GPR39: variants seen among roughly 807,000 people sequenced by gnomAD.
The protein encoded by GPR39 is zinc sensing receptor.
GPR39 carries 23 observed loss-of-function variants against 18.4 expected under a neutral mutation model. The observed-to-expected ratio is 1.25, with a 90% CI of 0.90 to 1.77. The LOEUF (loss-of-function observed/expected upper bound fraction) is 1.77. Among genes scored for constraint, GPR39 ranks in the 40% most tolerant of loss-of-function variants. The pLI, the probability that GPR39 is intolerant of heterozygous loss-of-function variation, is 0.00. For missense variants in GPR39, 647 were observed against 602.4 expected (o/e 1.07, Z -0.78); for synonymous variants, 280 against 257.9 (o/e 1.09, Z -0.82).
intron 1 of GPR39, among the ~76,000 whole-genome samples, chr2:132,424,241 A>T (rs1244773536): frequency 1.3e-5 from 2 of 152,144 alleles, no homozygotes; most frequent in Non-Finnish European, 2.9e-5. Flanking sequence ...CAATGATACA[A>T]CTCTACACAT....
At chr2:132,551,142 G>A (rs1193548027) in intron 1 of GPR39, among the ~76,000 whole-genome samples, 1 of 152,148 alleles carries the variant, frequency 6.6e-6, no homozygotes, top group Non-Finnish European at 1.5e-5. Flanking sequence ...GCAGCTCAAC[G>A]ATGTTAGAGT....
intron 1 of GPR39, among the ~76,000 whole-genome samples, chr2:132,490,551 G>A (rs1201547870): frequency 1.3e-5 from 2 of 151,902 alleles, no homozygotes; most frequent in African/African-American, 4.9e-5. Context: ...ACATCTAGTC[G>A]GAGAGACAGG....
chr2:132,536,140 G>A (rs1045883733), intron 1 of GPR39, among the ~76,000 whole-genome samples: 1 of 151,738 alleles, frequency 6.6e-6, no homozygotes, highest in Non-Finnish European at 1.5e-5. Flanking sequence ...CTCTGCTTCT[G>A]TAGTTCTTTT....
At chr2:132,459,491 CCACACTGGG>C in intron 1 of GPR39, among the ~76,000 whole-genome samples, 1 of 152,294 alleles carries the variant, frequency 6.6e-6, no homozygotes, top group Middle Eastern at 3.4e-3. Context: ...TGCTCAGATT[CCACACTGGG>C]TGTAGCTTCT....
intron 1 of GPR39, among the ~76,000 whole-genome samples, chr2:132,503,069 C>T (rs1679075435): frequency 6.6e-6 from 1 of 152,138 alleles, no homozygotes; most frequent in African/African-American, 2.4e-5. Context: ...ATTCTTCTGG[C>T]AAATCAGAGA....
intron 1 of GPR39, among the ~76,000 whole-genome samples, chr2:132,596,867 C>T (rs1178923389): frequency 6.6e-6 from 1 of 152,182 alleles, no homozygotes; most frequent in Non-Finnish European, 1.5e-5. Flanking sequence ...CCATGTATAT[C>T]CCAGGTTGAG....
At chr2:132,501,362 TA>T (rs1367393037) in intron 1 of GPR39, among the ~76,000 whole-genome samples, 18 of 152,160 alleles carry the variant, frequency 1.2e-4, no homozygotes, top group Admixed American at 1.1e-3. Context: ...GCAGGTTATT[TA>T]ATTTCCATGT....
chr2:132,506,580 C>T (rs1439722933), intron 1 of GPR39, among the ~76,000 whole-genome samples: 4 of 152,110 alleles, frequency 2.6e-5, no homozygotes, highest in African/African-American at 9.7e-5. Flanking sequence ...AGGAAATGTA[C>T]AATCATGGCA....
At chr2:132,644,421 T>TC (rs927158019) in intron 1 of GPR39, among the ~76,000 whole-genome samples, 4 of 152,192 alleles carry the variant, frequency 2.6e-5, no homozygotes, top group African/African-American at 7.2e-5. Flanking sequence ...TAATTCTTTT[T>TC]CCCCACATGA....
chr2:132,624,972 C>T (rs1048256902), intron 1 of GPR39, among the ~76,000 whole-genome samples: 2 of 152,084 alleles, frequency 1.3e-5, no homozygotes, highest in African/African-American at 2.4e-5. Flanking sequence ...ATAGGTTCTG[C>T]ACATGAACAG....
intron 1 of GPR39, among the ~76,000 whole-genome samples, chr2:132,519,702 A>G (rs1442829030): frequency 2.0e-5 from 3 of 152,152 alleles, no homozygotes; most frequent in Non-Finnish European, 4.4e-5. Flanking sequence ...TACCACTCCA[A>G]TGGATGCAGC....
chr2:132,629,108 T>A (rs958969317), intron 1 of GPR39, among the ~76,000 whole-genome samples: 5 of 152,152 alleles, frequency 3.3e-5, no homozygotes, highest in Non-Finnish European at 5.9e-5. Flanking sequence ...ACATGGAGCG[T>A]CCTGGAATTA....
intron 1 of GPR39, among the ~76,000 whole-genome samples, chr2:132,535,833 A>G (rs1573653195): frequency 6.7e-6 from 1 of 149,852 alleles, no homozygotes; most frequent in East Asian, 2.0e-4. Flanking sequence ...TTTCTTCTAG[A>G]TTTTCTAGTT....
At position 132,490,922 on chromosome 2, in the gene GPR39, G is replaced by T. The variant is rs139818129; in HGVS notation, c.856+73024G>T. ...TAAACGTGTGAGGGCTAAAGGGGCT[G>T]CGAAGGCTCTGTGGAGGGCAAAGGC... On this transcript the variant is annotated intron_variant, in intron 1 of 1. Coordinates refer to ENST00000329321, the MANE Select transcript of GPR39 (RefSeq NM_001508.3). 1.8e-3 allele frequency among the ~76,000 whole-genome samples: 273 copies of T among 152,318 alleles called. 1 individual carries two copies. Among genetic ancestry groups the T allele is most frequent in the African/African-American group, 6.2e-3 (256 of 41,574 alleles).
At chr2:132,456,819 T>C (rs1459836306) in intron 1 of GPR39, among the ~76,000 whole-genome samples, 2 of 152,244 alleles carry the variant, frequency 1.3e-5, no homozygotes, top group Admixed American at 6.5e-5. Flanking sequence ...TACTCTCTTC[T>C]GGCTTGTAGG....
chr2:132,524,185 T>A (rs1403487331), intron 1 of GPR39, among the ~76,000 whole-genome samples: 2 of 152,226 alleles, frequency 1.3e-5, no homozygotes, highest in Non-Finnish European at 2.9e-5. Flanking sequence ...TGAGATCTGA[T>A]AGAGCAGCCA....
At chr2:132,453,839 T>G (rs957520370) in intron 1 of GPR39, among the ~76,000 whole-genome samples, 1 of 152,216 alleles carries the variant, frequency 6.6e-6, no homozygotes, top group Non-Finnish European at 1.5e-5. Context: ...CATTGGTCTA[T>G]ATGTCTGTTT....
chr2:132,556,053 C>G (rs900604555), intron 1 of GPR39, among the ~76,000 whole-genome samples: 1 of 152,014 alleles, frequency 6.6e-6, no homozygotes, highest in African/African-American at 2.4e-5. Flanking sequence ...AATGATGCTG[C>G]TGGTCCAGGG....
At chr2:132,484,485 C>G (rs1573624598) in intron 1 of GPR39, among the ~76,000 whole-genome samples, 1 of 152,158 alleles carries the variant, frequency 6.6e-6, no homozygotes, top group African/African-American at 2.4e-5. Context: ...TGAACTTGGC[C>G]ATTAGTTCAT....
Sources: gnomAD v4.1 joint callset for allele counts (sites outside exome capture counted in the v4.1 genomes callset) on GRCh38, gnomAD v4.1.1 for gene constraint, MANE v1.5 for transcripts, NCBI Gene and HGNC (gene_info 2026-07-23, HGNC 2026-07-21) for gene names.